MROH2A: variants seen among roughly 807,000 people sequenced by gnomAD.
MROH2A encodes the protein maestro heat-like repeat-containing protein family member 2A.
MROH2A carries 174 observed loss-of-function variants against 200.4 expected under a neutral mutation model. That is an observed-to-expected ratio of 0.87 (90% CI 0.77 to 0.98). The LOEUF is 0.98. MROH2A is among the 50% of genes least tolerant of loss of function. The probability of loss-of-function intolerance (pLI) is 0.00; values close to 1 mark genes in which losing one functional copy is unlikely to be tolerated. For synonymous variants in MROH2A, 829 were observed against 840.4 expected (o/e 0.99, Z 0.23); for missense variants, 2,045 against 2,139.6 (o/e 0.96, Z 0.87).
intron 3 of MROH2A, among the ~76,000 whole-genome samples, chr2:233,787,595 A>C (rs11404560): frequency 3.5e-4 from 9 of 25,806 alleles, no homozygotes; most frequent in East Asian, 2.3e-3. Context: ...ACATATATAT[A>C]TTATATATTA....
chr2:233,832,264 G>T lies in MROH2A; in HGVS notation c.4822G>T (p.Ala1608Ser). The T allele has an allele frequency of 6.4e-7, 1 of 1,550,770 alleles. No homozygotes were observed. The highest frequency in any genetic ancestry group is 8.7e-7 in the Non-Finnish European group (1 of 1,147,070). The change falls in exon 40 of 42, where the codon GCT becomes TCT. Residue 1608 changes from alanine (A) to serine (S), a missense_variant. Physicochemically the swap from Ala to Ser is moderately conservative, Grantham distance 99 (BLOSUM62 1). Around this residue, in one of 3 missense-constraint regions of MROH2A, gnomAD observed 1,201 missense variants for 1,311.3 expected, o/e 0.92. Coordinates refer to ENST00000389758, the MANE Select transcript of MROH2A (RefSeq NM_001394639.1). Reference protein sequence around the residue: ...KNNLSRIRIAACNLAGIIMKQ... With the variant: ...KNNLSRIRIASCNLAGIIMKQ... ...TAACTTGTCAAGAATCAGAATCGCT[G>T]CTTGCAACTTGGCAGGTGAGCAGAG...
At chr2:233,793,887 G>A (rs1575929368) in intron 7 of MROH2A, 63 bp downstream of exon 7, 3 of 1,325,224 alleles carry the variant, frequency 2.3e-6, no homozygotes, top group Non-Finnish European at 2.9e-6. Flanking sequence ...CAGCCTGTGG[G>A]GCCGGGAGGT....
In MROH2A at chr2:233,814,678, G is replaced by C; in HGVS notation, c.2856+1G>C. On this transcript the variant is annotated splice_donor_variant, in intron 26 of 41. Transcript: ENST00000389758. LOFTEE classifies it high-confidence loss of function. ...CAAGGGGCTGCAGGAGATGGTGCAG[G>C]TGAGTTGCCTGGTGGCGGGCCAGAG... The C allele has an allele frequency of 6.5e-7, 1 of 1,548,692 alleles. No homozygotes were observed.
intron 27 of MROH2A, among the ~76,000 whole-genome samples, chr2:233,817,758 C>T (rs558939150): frequency 6.6e-6 from 1 of 152,224 alleles, no homozygotes; most frequent in East Asian, 1.9e-4. Context: ...CTGAGCAGAG[C>T]TGAGTCAGAG....
At chr2:233,777,655 CT>C (rs1405703694), upstream of MROH2A, among the ~76,000 whole-genome samples, 1 of 152,236 alleles carries the variant, frequency 6.6e-6, no homozygotes, top group Non-Finnish European at 1.5e-5. Context: ...GGCTGAGGAA[CT>C]CCCATTTGGC....
In MROH2A at chr2:233,795,916, G is replaced by A; in HGVS notation, c.1060-51G>A. The A allele has an allele frequency of 3.9e-6, 6 of 1,539,760 alleles. No individual in the cohort carries two copies. In the East Asian group the frequency reaches 1.2e-4, roughly 31 times the overall value. On this transcript the variant is annotated intron_variant, in intron 9 of 41. Coordinates refer to ENST00000389758, the MANE Select transcript of MROH2A (RefSeq NM_001394639.1). Reference sequence around the variant, plus strand: ...AGGTATGGTCAGCTGGGCTGCCCCTGCACCTGTGTCCCTGTGATCTCCTCC... The same window carrying A: ...AGGTATGGTCAGCTGGGCTGCCCCTACACCTGTGTCCCTGTGATCTCCTCC...
In MROH2A at chr2:233,798,386, C is replaced by A. The variant is rs140768738; in HGVS notation, c.1253-388C>A. Reference sequence around the variant, plus strand: ...GGATGTGGTGGAGCCAGGATTTGAACCCAGGGAAGGCCTGGTGTCAGGACC... The same window carrying A: ...GGATGTGGTGGAGCCAGGATTTGAAACCAGGGAAGGCCTGGTGTCAGGACC... On this transcript the variant is annotated intron_variant, in intron 11 of 41. Coordinates refer to ENST00000389758, the MANE Select transcript of MROH2A (RefSeq NM_001394639.1). Among the ~76,000 whole-genome samples the A allele has an allele frequency of 2.0e-4, 31 of 152,276 alleles. No homozygotes were observed. In the East Asian group the frequency reaches 5.8e-3, roughly 28 times the overall value.
chr2:233,795,913 C>T, intron 9 of MROH2A, 54 bp from the exon 10 acceptor site: 1 of 1,539,350 alleles, frequency 6.5e-7, no homozygotes, highest in South Asian at 1.2e-5. Flanking sequence ...CTGGGCTGCC[C>T]CTGCACCTGT....
chr2:233,790,641 TC>T (rs1334899457), intron 5 of MROH2A, among the ~76,000 whole-genome samples: 9 of 410 alleles, frequency 0.022, 4 homozygotes, highest in Non-Finnish European at 0.03. Flanking sequence ...TCCCCTCCCC[TC>T]CCCTCCCCTC....
At chr2:233,788,113 A>G (rs868646265) in intron 3 of MROH2A, among the ~76,000 whole-genome samples, 1 of 109,272 alleles carries the variant, frequency 9.2e-6, no homozygotes, top group African/African-American at 3.6e-5. Flanking sequence ...ATACATATAT[A>G]TTATATATAC....
At chr2:233,776,778 C>T (rs1700719160), upstream of MROH2A, among the ~76,000 whole-genome samples, 1 of 152,156 alleles carries the variant, frequency 6.6e-6, no homozygotes, top group Non-Finnish European at 1.5e-5. Context: ...CAACTCTTCT[C>T]ATGAAAAGGA....
chr2:233,814,430 T>G (rs1703376939), intron 25 of MROH2A, among the ~76,000 whole-genome samples, 152 bp from the exon 26 acceptor site: 1 of 152,224 alleles, frequency 6.6e-6, no homozygotes, highest in Non-Finnish European at 1.5e-5. Flanking sequence ...GGTTGTCTTG[T>G]ACTTCACTTG....
chr2:233,802,803 C>T (rs1483464165), intron 15 of MROH2A, among the ~76,000 whole-genome samples: 1 of 152,224 alleles, frequency 6.6e-6, no homozygotes, highest in African/African-American at 2.4e-5. Flanking sequence ...AACTCTGGCC[C>T]CAAGGGCATC....
intron 3 of MROH2A, among the ~76,000 whole-genome samples, chr2:233,783,154 C>T (rs975985270): frequency 1.6e-4 from 25 of 152,146 alleles, no homozygotes; most frequent in African/African-American, 5.8e-4. Context: ...CTATGTTCAT[C>T]ACAGATATTG....
In MROH2A at chr2:233,831,493, A is replaced by G. The variant is rs1429462034; in HGVS notation, c.4687A>G (p.Thr1563Ala). ...EHPSGPSDTA[T>A]DDKMTVFQTT... ...TCCCTCAGGGCCAAGTGATACCGCT[A>G]CTGATGACAAGATGACCGTTTTCCA... Residue 1563 changes from threonine to alanine, a missense_variant, in exon 39 of 42, where the codon ACT becomes GCT. Physicochemically the swap from Thr to Ala is moderately conservative, Grantham distance 58. This residue lies in a region of MROH2A where 1,201 missense variants were observed against 1,311.3 expected (regional missense o/e 0.92). Coordinates refer to ENST00000389758, the MANE Select transcript of MROH2A (RefSeq NM_001394639.1). The G allele has an allele frequency of 2.6e-6, 4 of 1,550,340 alleles. No homozygotes were observed. The Admixed American group carries it at 7.8e-5, about 30-fold the overall frequency.
chr2:233,790,470 CTCCT>C (rs1701659516), intron 5 of MROH2A, among the ~76,000 whole-genome samples: 3 of 20,412 alleles, frequency 1.5e-4, no homozygotes, highest in East Asian at 3.6e-3. Context: ...TCCTCCCTCC[CTCCT>C]TCCTTCCTCC....
chr2:233,790,464 C>CCCCTCTTTTCTTCTCTCCTTCCTT (rs1701657329), intron 5 of MROH2A, among the ~76,000 whole-genome samples: 1 of 22,102 alleles, frequency 4.5e-5, no homozygotes, highest in Non-Finnish European at 6.9e-5. Flanking sequence ...CTTCCTTCCT[C>CCCCTCTTTTCTTCTCTCCTTCCTT]CCTCCCTCCT....
intron 3 of MROH2A, among the ~76,000 whole-genome samples, chr2:233,786,318 T>A (rs1025320810): frequency 5.9e-5 from 9 of 152,228 alleles, no homozygotes; most frequent in African/African-American, 1.7e-4. Context: ...CAAATTTGGT[T>A]TCTGTAAAGC....
intron 11 of MROH2A, among the ~76,000 whole-genome samples, chr2:233,796,738 C>T (rs1484510617): frequency 2.6e-5 from 4 of 152,206 alleles, no homozygotes; most frequent in African/African-American, 9.6e-5. Context: ...AAGGCACTAG[C>T]TCACACTCTG....
Sources: allele counts gnomAD v4.1 joint callset (sites outside exome capture counted in the v4.1 genomes callset), GRCh38; gene constraint gnomAD v4.1.1; regional missense constraint gnomAD v4.1.1; transcripts MANE v1.5; gene names NCBI Gene and HGNC (gene_info 2026-07-23, HGNC 2026-07-21).